CCDC154: variants seen among roughly 807,000 people sequenced by gnomAD.
The protein encoded by CCDC154 is coiled-coil domain-containing protein 154.
Under a neutral mutation model 87.5 loss-of-function variants are expected in CCDC154, and 91 were observed. The observed-to-expected ratio is 1.04, with a 90% CI of 0.88 to 1.24. CCDC154 has a LOEUF of 1.24. CCDC154 is among the 50% of genes most tolerant of loss of function. The pLI, the probability that CCDC154 is intolerant of heterozygous loss-of-function variation, is 0.00. For missense variants in CCDC154, 903 were observed against 879.2 expected (o/e 1.03, Z -0.34); for synonymous variants, 418 against 400.4 (o/e 1.04, Z -0.52).
intron 15 of CCDC154, 87 bp downstream of exon 15, chr16:1,435,002 G>A: frequency 1.4e-6 from 2 of 1,431,230 alleles, no homozygotes; most frequent in Admixed American, 4.2e-5. Context: ...ACAGACACTG[G>A]CGCCTGCAGC....
At chr16:1,440,045 G>A (rs2038536688) in intron 6 of CCDC154, among the ~76,000 whole-genome samples, 2 of 151,748 alleles carry the variant, frequency 1.3e-5, no homozygotes, top group Non-Finnish European at 1.5e-5. Context: ...TACTCTGGAG[G>A]CTGAGGCAGG....
rs563101818 is a variant in CCDC154 at position 1,441,515 on chromosome 16, C to T, written c.675+891G>A. On this transcript the variant is annotated intron_variant, in intron 6 of 16. Coordinates refer to ENST00000389176, the MANE Select transcript of CCDC154 (RefSeq NM_001143980.3). The stretch of plus-strand genomic sequence containing the variant: ...CCCACAGCGGAGGCCCCTGCTGAGG[C>T]CACAGCAGGAGGGGGAGCCACTCCA... Among the ~76,000 whole-genome samples, 3 of 152,312 alleles carry T rather than the reference C, an allele frequency of 2.0e-5. No homozygotes were observed. The East Asian group carries it at 5.8e-4, about 29-fold the overall frequency.
intron 6 of CCDC154, chr16:1,439,419 C>T (rs2142353785): frequency 2.2e-6 from 1 of 454,066 alleles, no homozygotes; most frequent in East Asian, 3.9e-5. Flanking sequence ...GGCCCCCCAG[C>T]CGCCACCAGG....
rs1189650215 is a variant in CCDC154, at chr16:1,434,618, A to G, written c.1877+50T>C. ...TGCTGCCTGTGGGCCCCCAGCCCTG[A>G]ACCCCGGCCCAAAGGCCCAGGAGGC... On this transcript the variant is annotated intron_variant, in intron 16 of 16. Coordinates refer to ENST00000389176, the MANE Select transcript of CCDC154 (RefSeq NM_001143980.3). 4 of 1,530,006 alleles carry G rather than the reference A, an allele frequency of 2.6e-6. No homozygotes were observed. The African/African-American group carries it at 5.6e-5, about 21-fold the overall frequency. The allele number at this position is 1,530,006 out of a possible 1,614,324, so 94.8% of individuals were successfully genotyped here. A position where few individuals can be genotyped will look rare whatever the true frequency, so the allele number is the denominator to read the frequency against.
In CCDC154 at chr16:1,438,927, T is replaced by TC; in HGVS notation, c.793dup (p.Glu265GlyfsTer38). On this transcript the variant is annotated frameshift_variant, in exon 8 of 17. Transcript: ENST00000389176. LOFTEE classifies it high-confidence loss of function. ...GCCCTCCAGCTTCAGCCGTGAGCTC[T>TC]CCGAGGCCTTCATTCTCTGTGGGGA... 6.5e-7 allele frequency: 1 copy of TC among 1,549,390 alleles called. No individual in the cohort carries two copies. Among genetic ancestry groups the TC allele is most frequent in the Non-Finnish European group, 8.7e-7 (1 of 1,146,448 alleles).
At position 1,443,874 on chromosome 16, in the gene CCDC154, T is replaced by C. The variant is rs935353815; in HGVS notation, c.146A>G (p.Tyr49Cys). 39 of 1,304,120 alleles carry C rather than the reference T, an allele frequency of 3.0e-5. No homozygotes were observed. The highest frequency in any genetic ancestry group is 3.8e-5 in the Non-Finnish European group (38 of 988,966). The allele number at this position is 1,304,120 out of a possible 1,614,324, so 80.8% of individuals were successfully genotyped here. Residue 49 changes from tyrosine (Y) to cysteine (C), a missense_variant, in exon 2 of 17, where the codon TAT becomes TGT. Tyr to Cys is a radical substitution (Grantham distance 194). Transcript: ENST00000389176. ...PLSLEELSER[Y>C]ESSHPTSTAS... is the part of the protein sequence containing the mutation. Reference sequence around the variant, plus strand: ...CGTGGATGTCGGATGGCTGGACTCATACCTCTCCGAGAGCTCCTCCAGGCT... The same window carrying C: ...CGTGGATGTCGGATGGCTGGACTCACACCTCTCCGAGAGCTCCTCCAGGCT...
At chr16:1,436,869 A>G in intron 11 of CCDC154, 58 bp from the exon 12 acceptor site, 1 of 1,543,590 alleles carries the variant, frequency 6.5e-7, no homozygotes, top group Non-Finnish European at 8.8e-7. Context: ...AGACAGATGG[A>G]AAGACGGACA....
rs536693278 is a variant in CCDC154, at chr16:1,440,727, G to A, written c.676-1601C>T. Among the ~76,000 whole-genome samples, 22 of 152,098 alleles carry A rather than the reference G, an allele frequency of 1.4e-4. No homozygotes were observed. The East Asian group carries it at 3.3e-3, about 23-fold the overall frequency. On this transcript the variant is annotated intron_variant, in intron 6 of 16. Coordinates refer to ENST00000389176, the MANE Select transcript of CCDC154 (RefSeq NM_001143980.3). Reference sequence around the variant, plus strand: ...GCACTTTGGGAGGCCGAGATGGGCAGATCACGAGGTCAGGAGATCGAGACC... The same window carrying A: ...GCACTTTGGGAGGCCGAGATGGGCAAATCACGAGGTCAGGAGATCGAGACC...
At chr16:1,440,631 A>G (rs969665822) in intron 6 of CCDC154, among the ~76,000 whole-genome samples, 11 of 151,512 alleles carry the variant, frequency 7.3e-5, no homozygotes, top group African/African-American at 2.7e-4. Flanking sequence ...ACACAGTGAG[A>G]CCCCGTCTCT....
In CCDC154 at chr16:1,443,840, G is replaced by T. The variant is rs1269086952; in HGVS notation, c.180C>A (p.Val60=). 6 of 1,304,322 alleles carry T rather than the reference G, an allele frequency of 4.6e-6. No homozygotes were observed. The highest frequency in any genetic ancestry group is 2.1e-4 in the Middle Eastern group (1 of 4,718). The allele number at this position is 1,304,322 out of a possible 1,614,324, so 80.8% of individuals were successfully genotyped here. Residue 60 remains valine (V), a synonymous_variant, in exon 2 of 17, where the codon GTC becomes GTA. Transcript: ENST00000389176. ...AGTGCTTGGCGGTGTCCTGCTCGGG[G>T]ACAGAGGCCGTGGATGTCGGATGGC... ...ESSHPTSTAS[V]PEQDTAKHWN... is the part of the protein sequence containing the mutation.
rs570615995 is a variant in CCDC154, at chr16:1,442,867, G to A, written c.551+13C>T. ...GCAAGCTCCGGAGCCAGCCACGGGCGGTGGGCGCCCACCTGAGGCCGGCCT... is the reference window on the plus strand; with the variant it reads ...GCAAGCTCCGGAGCCAGCCACGGGCAGTGGGCGCCCACCTGAGGCCGGCCT... On this transcript the variant is annotated intron_variant, in intron 5 of 16. Coordinates refer to ENST00000389176, the MANE Select transcript of CCDC154 (RefSeq NM_001143980.3). The A allele has an allele frequency of 1.6e-5, 25 of 1,547,162 alleles. No homozygotes were observed. The highest frequency in any genetic ancestry group is 1.7e-4 in the Middle Eastern group (1 of 5,972).
At position 1,436,698 on chromosome 16, in the gene CCDC154, G is replaced by T; in HGVS notation, c.1404C>A (p.Pro468=). The T allele has an allele frequency of 6.5e-7, 1 of 1,550,166 alleles. No homozygotes were observed. Among genetic ancestry groups the T allele is most frequent in the Non-Finnish European group, 8.7e-7 (1 of 1,146,922 alleles). The stretch of plus-strand genomic sequence containing the variant: ...TGGCTGTGCCTTCGCCCACCTGCTG[G>T]GGGAGGCCATCCACCTTCTCCCGCA... ...RGVREKVDGL[P]QQIESVSDKC... Residue 468 remains proline (P), a synonymous_variant, in exon 12 of 17, where the codon CCC becomes CCA. Coordinates refer to ENST00000389176, the MANE Select transcript of CCDC154 (RefSeq NM_001143980.3).
At chr16:1,443,347 C>A in intron 3 of CCDC154, 46 bp from the exon 4 acceptor site, 1 of 1,531,506 alleles carries the variant, frequency 6.5e-7, no homozygotes. Context: ...AGGCCCGGGT[C>A]TGGCACCTGC....
chr16:1,434,717 G>C lies in CCDC154; in HGVS notation c.1828C>G (p.Pro610Ala). The change falls in exon 16 of 17, where the codon CCT (proline) becomes GCT (alanine). Residue 610 changes from proline to alanine, a missense_variant. Pro to Ala is a conservative substitution (Grantham distance 27). Transcript: ENST00000389176. ...RPRVFIKDMA[P>A]GKVVPMNCWG... ...CAGTTCATGGGCACCACCTTGCCAG[G>C]CGCCATGTCCTTGATGAAGACCCGC... 1 of 1,546,904 alleles carries C rather than the reference G, an allele frequency of 6.5e-7. No homozygotes were observed. Among genetic ancestry groups the C allele is most frequent in the Non-Finnish European group, 8.7e-7 (1 of 1,146,816 alleles).
intron 14 of CCDC154, 117 bp downstream of exon 14, chr16:1,435,852 C>G: frequency 2.3e-6 from 2 of 879,478 alleles, no homozygotes; most frequent in East Asian, 5.3e-5. Flanking sequence ...CTGAGCGTCT[C>G]CTGCTGGCTG....
chr16:1,436,324 G>T, intron 13 of CCDC154, 121 bp downstream of exon 13: 1 of 991,622 alleles, frequency 1.0e-6, no homozygotes, highest in Non-Finnish European at 1.5e-6. Context: ...GCCAGGCCCG[G>T]GCTCAGGGGG....
chr16:1,437,476 C>A, intron 11 of CCDC154: 1 of 289,204 alleles, frequency 3.5e-6, no homozygotes, highest in South Asian at 8.7e-5. Context: ...GGAGTGAATC[C>A]ATCTCAACAG....
In CCDC154 at chr16:1,443,267, T is replaced by C; in HGVS notation, c.449A>G (p.Asp150Gly). The change falls in exon 4 of 17, where the codon GAC becomes GGC. Residue 150 changes from aspartate (D) to glycine (G), a missense_variant. Transcript: ENST00000389176. ...SGLQNQMQAL[D>G]KRLVEVREAL... Reference sequence around the variant, plus strand: ...CTAGGTGTGTGGGGGGTACCTTTTGTCCAGGGCCTGCATCTGGTTCTGGAG... The same window carrying C: ...CTAGGTGTGTGGGGGGTACCTTTTGCCCAGGGCCTGCATCTGGTTCTGGAG... 1.3e-6 allele frequency: 2 copies of C among 1,549,188 alleles called. No individual in the cohort carries two copies. Among genetic ancestry groups the C allele is most frequent in the Non-Finnish European group, 1.7e-6 (2 of 1,146,566 alleles).
At chr16:1,436,382 C>T in intron 13 of CCDC154, 63 bp downstream of exon 13, 1 of 1,357,164 alleles carries the variant, frequency 7.4e-7, no homozygotes, top group Non-Finnish European at 1.0e-6. Flanking sequence ...AGCGTGGGGA[C>T]CGGCCCAGCC....
Sources: gnomAD v4.1 joint callset for allele counts (sites outside exome capture counted in the v4.1 genomes callset) on GRCh38, gnomAD v4.1.1 for gene constraint, MANE v1.5 for transcripts, NCBI Gene and HGNC (gene_info 2026-07-23, HGNC 2026-07-21) for gene names.